Variants in KIR2DL1 observed in about 807,000 individuals in gnomAD.
KIR2DL1 encodes the protein killer cell immunoglobulin-like receptor 2DL1.
KIR2DL1 carries 38 observed loss-of-function variants against 33.9 expected under a neutral mutation model. The observed-to-expected ratio is 1.12, with a 90% CI of 0.86 to 1.47. The LOEUF is 1.47. Among genes scored for constraint, KIR2DL1 ranks in the 40% most tolerant of loss-of-function variants. The pLI is 0.00. For synonymous variants in KIR2DL1, 179 were observed against 165.9 expected, an observed-to-expected ratio of 1.08 and a Z score of -0.61; for missense variants, 531 against 433.9, an observed-to-expected ratio of 1.22 and a Z score of -1.99.
At chr19:54,778,818 G>A (rs2076646850) in intron 5 of KIR2DL1, among the ~76,000 whole-genome samples, 156 bp downstream of exon 5, 1 of 148,052 alleles carries the variant, frequency 6.8e-6, no homozygotes, top group Admixed American at 6.9e-5. Flanking sequence ...AGGGATCTGG[G>A]CCCAACACAG....
chr19:54,783,484 A>G lies in KIR2DL1; in HGVS notation c.818-2A>G, dbSNP rs1390028106. ...TGTTTTGTTGACTTCCATCTTCTAC[A>G]GATGCTGCGGTAATGGACCAAGAGT... On this transcript the variant is annotated splice_acceptor_variant, in intron 6 of 7. Coordinates refer to ENST00000336077, the MANE Select transcript of KIR2DL1 (RefSeq NM_014218.3). LOFTEE classifies it high-confidence loss of function. 3 of 1,613,340 alleles carry G rather than the reference A, an allele frequency of 1.9e-6. No individual in the cohort carries two copies. The highest frequency in any genetic ancestry group is 2.5e-6 in the Non-Finnish European group (3 of 1,179,544).
At chr19:54,781,641 G>A (rs1253440387) in intron 5 of KIR2DL1, among the ~76,000 whole-genome samples, 19 of 151,748 alleles carry the variant, frequency 1.3e-4, no homozygotes, top group African/African-American at 1.7e-4. Context: ...GATGGCCGAG[G>A]GGGTGGTCCT....
intron 4 of KIR2DL1, among the ~76,000 whole-genome samples, chr19:54,778,324 C>T (rs2076580464): frequency 6.7e-6 from 1 of 149,410 alleles, no homozygotes; most frequent in African/African-American, 2.4e-5. Context: ...TCATTCTGCT[C>T]CGTTGTTCTA....
At chr19:54,772,840 C>G (rs1019264558) in intron 2 of KIR2DL1, among the ~76,000 whole-genome samples, 5 of 145,320 alleles carry the variant, frequency 3.4e-5, no homozygotes, top group Non-Finnish European at 3.1e-5. Flanking sequence ...CAACCAGCAC[C>G]AGGAGCCAGC....
chr19:54,773,180 G>A (rs1185710749), intron 2 of KIR2DL1, among the ~76,000 whole-genome samples, 153 bp from the exon 3 acceptor site: 1 of 148,460 alleles, frequency 6.7e-6, no homozygotes, highest in African/African-American at 2.5e-5. Context: ...GGAAGGACCT[G>A]CACCAGGAGT....
At chr19:54,776,698 T>C (rs1459749754) in intron 4 of KIR2DL1, among the ~76,000 whole-genome samples, 1 of 144,894 alleles carries the variant, frequency 6.9e-6, no homozygotes, top group Non-Finnish European at 1.5e-5. Context: ...GGAGTCAAAG[T>C]GGTGCAACCT....
At chr19:54,775,529 A>T in intron 4 of KIR2DL1, 71 bp downstream of exon 4, 2 of 1,464,590 alleles carry the variant, frequency 1.4e-6, no homozygotes, top group Non-Finnish European at 9.4e-7. Context: ...CCTGCTGAGG[A>T]TGGAGAGAAG....
At position 54,769,822 on chromosome 19, in the gene KIR2DL1, C is replaced by T. The variant is rs781315262; in HGVS notation, c.-29C>T. The T allele has an allele frequency of 2.7e-5, 42 of 1,552,142 alleles. 3 individuals are homozygous for T. The highest frequency in any genetic ancestry group is 7.0e-5 in the Admixed American group (4 of 56,918). On this transcript the variant is annotated 5_prime_UTR_variant, in exon 1 of 8. Coordinates refer to ENST00000336077, the MANE Select transcript of KIR2DL1 (RefSeq NM_014218.3). ...TGTGCGCTGCTGAGCTGAGCTCGGT[C>T]GCGGCTGCCTGTCTGCTCCGGCAGC... is the stretch of plus-strand genomic sequence containing the variant.
At chr19:54,775,808 A>T (rs2076261499) in intron 4 of KIR2DL1, among the ~76,000 whole-genome samples, 1 of 148,982 alleles carries the variant, frequency 6.7e-6, no homozygotes, top group Non-Finnish European at 1.5e-5. Context: ...CCACACAGAG[A>T]TGTCATCACC....
chr19:54,772,500 A>C (rs1179253465), intron 2 of KIR2DL1, among the ~76,000 whole-genome samples: 3 of 145,998 alleles, frequency 2.1e-5, no homozygotes, highest in African/African-American at 5.0e-5. Context: ...CTACAGCAGC[A>C]ACAGGAAACC....
chr19:54,774,799 G>A (rs202218989), intron 3 of KIR2DL1, among the ~76,000 whole-genome samples: 1,966 of 147,866 alleles, frequency 0.013, 117 homozygotes, highest in East Asian at 0.094. Context: ...GATAGGCACC[G>A]AATAGATAAA....
chr19:54,781,867 C>G (rs1307656845), intron 5 of KIR2DL1, among the ~76,000 whole-genome samples: 2 of 151,858 alleles, frequency 1.3e-5, no homozygotes, highest in Non-Finnish European at 3.0e-5. Context: ...AACCCTAAAG[C>G]ACATTCGCTG....
At chr19:54,774,791 T>C (rs1369171356) in intron 3 of KIR2DL1, among the ~76,000 whole-genome samples, 8 of 148,346 alleles carry the variant, frequency 5.4e-5, no homozygotes, top group Middle Eastern at 3.4e-3. Flanking sequence ...AATTTGTAGA[T>C]AGGCACCGAA....
chr19:54,773,537 A>G lies in KIR2DL1; in HGVS notation c.275A>G (p.Gln92Arg). The change falls in exon 3 of 8, where the codon CAA becomes CGA. Residue 92 changes from glutamine to arginine, a missense_variant. Transcript: ENST00000336077. ...AACTTCTCCATCAGTCGCATGACGCAAGACCTGGCAGGGACCTACAGATGC... is the reference window on the plus strand; with the variant it reads ...AACTTCTCCATCAGTCGCATGACGCGAGACCTGGCAGGGACCTACAGATGC... ...KANFSISRMTQDLAGTYRCYG... is the reference protein window; with the variant it reads ...KANFSISRMTRDLAGTYRCYG... 1 of 1,583,396 alleles carries G rather than the reference A, an allele frequency of 6.3e-7. No individual in the cohort carries two copies. The highest frequency in any genetic ancestry group is 8.7e-7 in the Non-Finnish European group (1 of 1,155,476).
chr19:54,781,785 T>C (rs1479978892), intron 5 of KIR2DL1, among the ~76,000 whole-genome samples: 1 of 152,156 alleles, frequency 6.6e-6, no homozygotes, highest in South Asian at 2.1e-4. Flanking sequence ...GCTTTTTTTA[T>C]CTTGATTTCA....
intron 1 of KIR2DL1, 73 bp from the exon 2 acceptor site, chr19:54,770,776 C>T: frequency 3.2e-6 from 5 of 1,552,202 alleles, no homozygotes; most frequent in Middle Eastern, 1.7e-4. Flanking sequence ...CCAAGACTCA[C>T]AGCCCAGTGG....
At chr19:54,782,789 G>T in intron 5 of KIR2DL1, 133 bp from the exon 6 acceptor site, 1 of 891,422 alleles carries the variant, frequency 1.1e-6, no homozygotes, top group South Asian at 1.3e-5. Context: ...GGAGAAAGCT[G>T]GGTCTCCTGC....
Position 54,774,470 on chromosome 19 carries a change from A to C in KIR2DL1, c.371-695A>C, listed in dbSNP as rs1319408292. Among the ~76,000 whole-genome samples, 4 of 148,342 alleles carry C rather than the reference A, an allele frequency of 2.7e-5. No homozygotes were observed. In the Admixed American group the frequency reaches 2.7e-4, roughly 10 times the overall value. On this transcript the variant is annotated intron_variant, in intron 3 of 7. Coordinates refer to ENST00000336077, the MANE Select transcript of KIR2DL1 (RefSeq NM_014218.3). Reference sequence around the variant, plus strand: ...GATGAATTGCAGAGATTCCAAAGAGAACTAGAGAGACCGAGAGGCAGAGCA... The same window carrying C: ...GATGAATTGCAGAGATTCCAAAGAGCACTAGAGAGACCGAGAGGCAGAGCA...
Position 54,783,338 on chromosome 19 carries a change from G to A in KIR2DL1, c.818-148G>A, listed in dbSNP as rs899562635. The A allele has an allele frequency of 1.1e-3, 956 of 837,726 alleles. 2 individuals are homozygous for A. In the African/African-American group the frequency reaches 0.013, roughly 11 times the overall value. The allele number at this position is 837,726 out of a possible 1,614,324, so 51.9% of individuals were successfully genotyped here. On this transcript the variant is annotated intron_variant, in intron 6 of 7. Transcript: ENST00000336077. ...AGCTATTCATGGGATGGGTCCTTGA[G>A]CTCAGAGAGATAGAATGTCTGAGTC...
Sources: gnomAD v4.1 joint callset for allele counts (sites outside exome capture counted in the v4.1 genomes callset) on GRCh38, gnomAD v4.1.1 for gene constraint, MANE v1.5 for transcripts, NCBI Gene and HGNC (gene_info 2026-07-23, HGNC 2026-07-21) for gene names.